The following KCNIP4 variants were observed in gnomAD, a reference collection of about 807,000 sequenced individuals.
The protein encoded by KCNIP4 is potassium voltage-gated channel interacting protein 4.
KCNIP4 carries 12 observed loss-of-function variants against 34.0 expected under a neutral mutation model. That is an observed-to-expected ratio of 0.35 (90% confidence interval 0.23 to 0.57). The LOEUF (loss-of-function observed/expected upper bound fraction) is 0.57, where lower values mean the gene tolerates loss of function less well. Ranked by LOEUF, KCNIP4 falls within the 20% of genes least tolerant of loss-of-function variation. The pLI, the probability that KCNIP4 is intolerant of heterozygous loss-of-function variation, is 0.83. For missense variants in KCNIP4, 238 were observed against 311.7 expected (o/e 0.76, Z 1.78); for synonymous variants, 124 against 102.2 (o/e 1.21, Z -1.29).
At chr4:20,947,460 C>T (rs922666509) in intron 1 of KCNIP4, among the ~76,000 whole-genome samples, 1 of 152,176 alleles carries the variant, frequency 6.6e-6, no homozygotes, top group Non-Finnish European at 1.5e-5. Context: ...TGAGCCACCA[C>T]ACCTGGCTGA....
chr4:20,811,491 A>ATATG (rs1715745310), intron 3 of KCNIP4, among the ~76,000 whole-genome samples: 2 of 147,514 alleles, frequency 1.4e-5, no homozygotes, highest in Non-Finnish European at 3.0e-5. Flanking sequence ...GTGTGTGTGC[A>ATATG]TGTGTGTGTG....
intron 1 of KCNIP4, among the ~76,000 whole-genome samples, chr4:20,978,974 A>C (rs1221613020): frequency 6.6e-6 from 1 of 152,160 alleles, no homozygotes; most frequent in African/African-American, 2.4e-5. Flanking sequence ...AAGTTAGATA[A>C]TGAATATATG....
At chr4:21,073,991 T>G (rs962267971) in intron 1 of KCNIP4, among the ~76,000 whole-genome samples, 4 of 152,196 alleles carry the variant, frequency 2.6e-5, no homozygotes, top group African/African-American at 9.6e-5. Flanking sequence ...TGAAGCCCAG[T>G]TGATCATGGT....
intron 1 of KCNIP4, among the ~76,000 whole-genome samples, chr4:21,299,074 C>G (rs144918934): frequency 6.6e-6 from 1 of 151,926 alleles, no homozygotes; most frequent in Non-Finnish European, 1.5e-5. Context: ...ATATCTAAAG[C>G]GTAAGTGATT....
intron 1 of KCNIP4, among the ~76,000 whole-genome samples, chr4:21,768,713 A>G (rs899737866): frequency 6.6e-6 from 1 of 152,138 alleles, no homozygotes; most frequent in Non-Finnish European, 1.5e-5. Context: ...TTCTCATGGT[A>G]CAAAATTTTA....
chr4:20,887,543 A>G (rs1443257567), intron 1 of KCNIP4, among the ~76,000 whole-genome samples: 8 of 152,148 alleles, frequency 5.3e-5, no homozygotes, highest in Non-Finnish European at 1.2e-4. Flanking sequence ...TAATGTAAGA[A>G]TAATTTTTCA....
At chr4:20,832,025 TC>T (rs1207912296) in intron 3 of KCNIP4, among the ~76,000 whole-genome samples, 1 of 152,312 alleles carries the variant, frequency 6.6e-6, no homozygotes, top group Middle Eastern at 3.4e-3. Flanking sequence ...TCATATCCTT[TC>T]TTGGAATTTA....
chr4:20,945,760 C>A (rs10938821), intron 1 of KCNIP4, among the ~76,000 whole-genome samples: 10 of 151,956 alleles, frequency 6.6e-5, no homozygotes, highest in Non-Finnish European at 1.3e-4. Context: ...CCAGGGACTC[C>A]CCGACATGTT....
At chr4:21,520,448 A>T (rs980095486) in intron 1 of KCNIP4, among the ~76,000 whole-genome samples, 2 of 152,212 alleles carry the variant, frequency 1.3e-5, no homozygotes, top group Non-Finnish European at 2.9e-5. Context: ...GCTAAGAATT[A>T]GTGCAGCTGG....
intron 1 of KCNIP4, among the ~76,000 whole-genome samples, chr4:21,923,949 G>T (rs1316750263): frequency 6.6e-6 from 1 of 152,154 alleles, no homozygotes. Flanking sequence ...CATTTTACCT[G>T]CATGAACATG....
In KCNIP4 at chr4:21,532,120, G is replaced by A. The variant is rs576088157; in HGVS notation, c.61+416451C>T. Reference sequence around the variant, plus strand: ...GTCTTGGAACACTTAACTGCAAAACGAAGTCGCTGTGATAGAGAAAAAGGA... The same window carrying A: ...GTCTTGGAACACTTAACTGCAAAACAAAGTCGCTGTGATAGAGAAAAAGGA... On this transcript the variant is annotated intron_variant, in intron 1 of 8. Coordinates refer to ENST00000382152, the MANE Select transcript of KCNIP4 (RefSeq NM_025221.6). Among the ~76,000 whole-genome samples the A allele has an allele frequency of 9.8e-4, 149 of 152,204 alleles. 1 individual carries two copies. The highest frequency in any genetic ancestry group is 4.6e-3 in the South Asian group (22 of 4,822).
chr4:21,197,080 G>T lies in KCNIP4; in HGVS notation c.62-314371C>A, dbSNP rs140350632. ...CATTCTATTTGTGAGATTTATCCAA[G>T]ATCTAACAGAGATGTATTTTTTTAA... On this transcript the variant is annotated intron_variant, in intron 1 of 8. Transcript: ENST00000382152. 3.0e-3 allele frequency among the ~76,000 whole-genome samples: 461 copies of T among 152,176 alleles called. 5 individuals carry two copies. Among genetic ancestry groups the T allele is most frequent in the Middle Eastern group, 0.01 (3 of 294 alleles).
intron 1 of KCNIP4, among the ~76,000 whole-genome samples, chr4:21,893,200 A>C (rs1372131190): frequency 6.6e-6 from 1 of 152,108 alleles, no homozygotes; most frequent in East Asian, 1.9e-4. Flanking sequence ...TGTGTGTAAA[A>C]CTCACAAATA....
At chr4:21,907,203 G>A (rs1728052759) in intron 1 of KCNIP4, among the ~76,000 whole-genome samples, 1 of 152,108 alleles carries the variant, frequency 6.6e-6, no homozygotes, top group Non-Finnish European at 1.5e-5. Context: ...TTGAGGGACT[G>A]GGTTAATTCT....
At position 21,311,559 on chromosome 4, in the gene KCNIP4, C is replaced by T. The variant is rs561625576; in HGVS notation, c.62-428850G>A. On this transcript the variant is annotated intron_variant, in intron 1 of 8. Coordinates refer to ENST00000382152, the MANE Select transcript of KCNIP4 (RefSeq NM_025221.6). Reference sequence around the variant, plus strand: ...CAAAAATTAACTGGGTGTGATGGTGCGTGCCTGTAGTCCCAGCTACTTGGG... The same window carrying T: ...CAAAAATTAACTGGGTGTGATGGTGTGTGCCTGTAGTCCCAGCTACTTGGG... Among the ~76,000 whole-genome samples the T allele has an allele frequency of 4.6e-5, 7 of 152,020 alleles. No individual in the cohort carries two copies. The South Asian group carries it at 8.3e-4, about 18-fold the overall frequency.
chr4:20,836,869 C>G (rs1191785642), intron 3 of KCNIP4, among the ~76,000 whole-genome samples: 1 of 135,470 alleles, frequency 7.4e-6, no homozygotes, highest in Non-Finnish European at 1.6e-5. Context: ...ATAGAGTTCT[C>G]TCTTTTTTTT....
intron 1 of KCNIP4, among the ~76,000 whole-genome samples, chr4:21,565,645 A>G (rs1739823047): frequency 6.6e-6 from 1 of 152,172 alleles, no homozygotes; most frequent in African/African-American, 2.4e-5. Flanking sequence ...CTGATTGGCA[A>G]TGACATTCAT....
intron 1 of KCNIP4, among the ~76,000 whole-genome samples, chr4:21,745,169 T>C (rs570959147): frequency 1.3e-5 from 2 of 152,282 alleles, no homozygotes; most frequent in East Asian, 3.9e-4. Context: ...AAATCTTTGA[T>C]AAAAAGTTCC....
chr4:21,478,702 C>T (rs766207549), intron 1 of KCNIP4, among the ~76,000 whole-genome samples: 2 of 152,090 alleles, frequency 1.3e-5, no homozygotes, highest in Non-Finnish European at 2.9e-5. Context: ...GAAAGCAAGA[C>T]GGGGAATGCA....
Sources: allele counts gnomAD v4.1 joint callset (sites outside exome capture counted in the v4.1 genomes callset), GRCh38; gene constraint gnomAD v4.1.1; transcripts MANE v1.5; gene names NCBI Gene and HGNC (gene_info 2026-07-23, HGNC 2026-07-21).